GIGYF2: variants seen among roughly 807,000 people sequenced by gnomAD.
GIGYF2 encodes GRB10 interacting GYF protein 2, also known as GRB10-interacting GYF protein 2.
GIGYF2 carries 25 observed loss-of-function variants against 208.1 expected under a neutral mutation model. That is an observed-to-expected ratio of 0.12 (90% CI 0.09 to 0.17). The LOEUF is 0.17. Ranked by LOEUF, GIGYF2 falls within the 10% of genes least tolerant of loss-of-function variation. The pLI is 1.00. For synonymous variants in GIGYF2, 534 were observed against 543.8 expected (o/e 0.98, Z 0.25); for missense variants, 1,302 against 1,579.4 (o/e 0.82, Z 2.98).
At chr2:232,836,285 TA>T (rs1701599382) in intron 22 of GIGYF2, among the ~76,000 whole-genome samples, 5 of 6,272 alleles carry the variant, frequency 8.0e-4, no homozygotes, top group Non-Finnish European at 1.8e-3. Context: ...TATATATATA[TA>T]TATATATATA....
intron 6 of GIGYF2, among the ~76,000 whole-genome samples, chr2:232,757,574 C>T (rs1401424976): frequency 6.6e-6 from 1 of 151,984 alleles, no homozygotes; most frequent in Admixed American, 6.6e-5. Flanking sequence ...TGGGACTGAC[C>T]ACTTATGGCT....
At position 232,806,456 on chromosome 2, in the gene GIGYF2, C is replaced by T; in HGVS notation, c.1640-35C>T. ...TTTTCTCTTTGAGTCTGAAAGGTTTCTTATTGTCTTTCTGTTTAATTGGTG... is the reference window on the plus strand; with the variant it reads ...TTTTCTCTTTGAGTCTGAAAGGTTTTTTATTGTCTTTCTGTTTAATTGGTG... On this transcript the variant is annotated intron_variant, in intron 14 of 28. Coordinates refer to ENST00000373563, the MANE Select transcript of GIGYF2 (RefSeq NM_001103146.3). The surrounding 1 kb of genome is among the most constrained non-coding windows in gnomAD (Gnocchi z 4.0). 6.9e-7 allele frequency: 1 copy of T among 1,456,918 alleles called. No homozygotes were observed. The highest frequency in any genetic ancestry group is 1.7e-5 in the Admixed American group (1 of 59,812). The allele number at this position is 1,456,918 out of a possible 1,614,324, so 90.2% of individuals were successfully genotyped here. A position where few individuals can be genotyped will look rare whatever the true frequency, so the allele number is the denominator to read the frequency against.
Position 232,707,798 on chromosome 2 carries a change from C to T in GIGYF2, c.-44+4309C>T, listed in dbSNP as rs191353231. ...GATTACAGGTGCGTGCCACCATGCCCGGCTAATTTTTGTATTTTTAGTAGA... is the reference window on the plus strand; with the variant it reads ...GATTACAGGTGCGTGCCACCATGCCTGGCTAATTTTTGTATTTTTAGTAGA... On this transcript the variant is annotated intron_variant, in intron 2 of 28. Coordinates refer to ENST00000373563, the MANE Select transcript of GIGYF2 (RefSeq NM_001103146.3). Among the ~76,000 whole-genome samples, 19 of 151,916 alleles carry T rather than the reference C, an allele frequency of 1.3e-4. No homozygotes were observed. In the East Asian group the frequency reaches 1.4e-3, roughly 11 times the overall value.
In GIGYF2 at chr2:232,756,351, A is replaced by G. The variant is rs766985869; in HGVS notation, c.379+17A>G. On this transcript the variant is annotated intron_variant, in intron 6 of 28. Coordinates refer to ENST00000373563, the MANE Select transcript of GIGYF2 (RefSeq NM_001103146.3). ...GAGGGCGAGGTGAGCTTTCATATGA[A>G]AAAAGTAATAATGGAGGAGGAGGAG... 3.4e-5 allele frequency: 44 copies of G among 1,283,858 alleles called. No individual in the cohort carries two copies. Among genetic ancestry groups the G allele is most frequent in the African/African-American group, 4.5e-5 (3 of 66,648 alleles). 79.5% of individuals were successfully genotyped at this position (1,283,858 alleles called of 1,614,324 possible).
chr2:232,773,473 T>A (rs1173699931), intron 8 of GIGYF2, among the ~76,000 whole-genome samples: 1 of 152,106 alleles, frequency 6.6e-6, no homozygotes, highest in African/African-American at 2.4e-5. Context: ...CCAGTTAATT[T>A]TTTTTTTTAA....
intron 8 of GIGYF2, chr2:232,768,860 A>G: frequency 6.7e-7 from 1 of 1,494,130 alleles, no homozygotes; most frequent in Non-Finnish European, 9.2e-7. Flanking sequence ...GACTTTAAAT[A>G]TCAATACTTT....
chr2:232,735,917 A>G (rs1023146406), intron 3 of GIGYF2: 25 of 983,902 alleles, frequency 2.5e-5, no homozygotes, highest in Middle Eastern at 5.2e-4. Flanking sequence ...TACTTTTTCT[A>G]TTCAAACCTC....
At chr2:232,715,451 CTG>C (rs1427216818) in intron 2 of GIGYF2, among the ~76,000 whole-genome samples, 1 of 151,946 alleles carries the variant, frequency 6.6e-6, no homozygotes, top group African/African-American at 2.4e-5. Flanking sequence ...TAAGCAGTAT[CTG>C]TAATTTTTTT....
At chr2:232,704,755 G>A (rs1696008244) in intron 2 of GIGYF2, among the ~76,000 whole-genome samples, 1 of 151,772 alleles carries the variant, frequency 6.6e-6, no homozygotes, top group African/African-American at 2.4e-5. Flanking sequence ...GGAGTGGCTG[G>A]GTAAAGGTTT....
chr2:232,753,104 T>C (rs1370532993), intron 5 of GIGYF2, among the ~76,000 whole-genome samples: 1 of 121,298 alleles, frequency 8.2e-6, no homozygotes, highest in Non-Finnish European at 1.7e-5. Flanking sequence ...ACAGTATTTA[T>C]TTATTTATTT....
rs954178366 is a variant in GIGYF2 at position 232,857,897 on chromosome 2, C to T, written c.*1037C>T. 1 of 152,672 alleles carries T rather than the reference C, an allele frequency of 6.5e-6. No individual in the cohort carries two copies. The highest frequency in any genetic ancestry group is 2.4e-5 in the African/African-American group (1 of 41,422). 9.5% of individuals were successfully genotyped at this position (152,672 alleles called of 1,614,324 possible). A position where few individuals can be genotyped will look rare whatever the true frequency, so the allele number is the denominator to read the frequency against. On this transcript the variant is annotated 3_prime_UTR_variant, in exon 29 of 29. Coordinates refer to ENST00000373563, the MANE Select transcript of GIGYF2 (RefSeq NM_001103146.3). ...CCGGAAAAGGTTTTGTGTAAAGATT[C>T]TGGGATGGCAAGTTGTTTGCCTTTT... is the stretch of plus-strand genomic sequence containing the variant.
At chr2:232,725,971 C>A (rs377180398) in intron 2 of GIGYF2, among the ~76,000 whole-genome samples, 1 of 152,072 alleles carries the variant, frequency 6.6e-6, no homozygotes, top group Non-Finnish European at 1.5e-5. Context: ...GTTTGGAGAC[C>A]GGGAGAGCTC....
chr2:232,829,545 A>C (rs1448028103), intron 21 of GIGYF2, among the ~76,000 whole-genome samples: 2 of 152,228 alleles, frequency 1.3e-5, no homozygotes, highest in Non-Finnish European at 2.9e-5. Flanking sequence ...AGAGCAGCAG[A>C]AATCTCTAAT....
At chr2:232,730,876 C>A (rs1335633433) in intron 2 of GIGYF2, among the ~76,000 whole-genome samples, 1 of 109,658 alleles carries the variant, frequency 9.1e-6, no homozygotes, top group African/African-American at 3.7e-5. Context: ...CCAGCCTGGG[C>A]GACAGAGCGA....
chr2:232,780,742 C>T (rs146870851), intron 8 of GIGYF2, among the ~76,000 whole-genome samples: 15 of 152,198 alleles, frequency 9.9e-5, no homozygotes, highest in Non-Finnish European at 1.8e-4. Context: ...AACTGAAATA[C>T]AGTATTTGGT....
chr2:232,816,345 A>G (rs1700910780), intron 19 of GIGYF2, among the ~76,000 whole-genome samples: 1 of 152,196 alleles, frequency 6.6e-6, no homozygotes, highest in Non-Finnish European at 1.5e-5. Context: ...ATGCATTCTT[A>G]TCCCCTGAGG....
chr2:232,789,777 T>C (rs549178809), intron 9 of GIGYF2, among the ~76,000 whole-genome samples: 218 of 152,312 alleles, frequency 1.4e-3, no homozygotes, highest in Non-Finnish European at 7.9e-4. Flanking sequence ...AAAGCCTGCT[T>C]TTCTTTTTAA....
chr2:232,836,311 TATATATATATATATATATAC>T lies in GIGYF2; in HGVS notation c.2766+3228_2766+3247del, dbSNP rs1701615452. 1.9e-4 allele frequency among the ~76,000 whole-genome samples: 6 copies of T among 30,834 alleles called. 1 individual carries two copies. Among genetic ancestry groups the T allele is most frequent in the African/African-American group, 3.0e-4 (2 of 6,692 alleles). 20.2% of individuals were successfully genotyped at this position (30,834 alleles called of 152,430 possible). The stretch of plus-strand genomic sequence containing the variant: ...ATATATATATATATATATATATATA[TATATATATATATATATATAC>T]ATATATATACTTATATATTTATATA... On this transcript the variant is annotated intron_variant, in intron 22 of 28. Coordinates refer to ENST00000373563, the MANE Select transcript of GIGYF2 (RefSeq NM_001103146.3).
chr2:232,822,542 G>A (rs927152698), intron 21 of GIGYF2, among the ~76,000 whole-genome samples: 3 of 152,222 alleles, frequency 2.0e-5, no homozygotes, highest in African/African-American at 4.8e-5. Context: ...TTAGCTGGGC[G>A]TGGTGGCGTG....
Sources: gnomAD v4.1 joint callset for allele counts (sites outside exome capture counted in the v4.1 genomes callset) on GRCh38, gnomAD v4.1.1 for gene constraint, Gnocchi (gnomAD v3.1) non-coding constraint, MANE v1.5 for transcripts, NCBI Gene and HGNC (gene_info 2026-07-23, HGNC 2026-07-21) for gene names.